Variants in CDON observed in about 807,000 individuals in gnomAD.
CDON encodes cell adhesion associated, oncogene regulated.
A neutral mutation model predicts 120.9 loss-of-function variants in CDON; 73 were observed. That is an observed-to-expected ratio of 0.60 (90% confidence interval 0.50 to 0.73). The LOEUF (loss-of-function observed/expected upper bound fraction) is 0.73. Ranked by LOEUF, CDON falls within the 30% of genes least tolerant of loss-of-function variation. The probability of loss-of-function intolerance (pLI) is 0.00; values close to 1 mark genes in which losing one functional copy is unlikely to be tolerated. For missense variants in CDON, 1,470 were observed against 1,587.3 expected (o/e 0.93, Z 1.26); for synonymous variants, 566 against 573.5 (o/e 0.99, Z 0.19).
chr11:125,969,283 C>G (rs1591547029), intron 18 of CDON, among the ~76,000 whole-genome samples: 1 of 152,182 alleles, frequency 6.6e-6, no homozygotes, highest in Admixed American at 6.5e-5. Flanking sequence ...CAGGCGTGAG[C>G]CACCACGCCT....
intron 1 of CDON, among the ~76,000 whole-genome samples, chr11:126,040,087 A>C (rs1193046987): frequency 6.6e-6 from 1 of 152,134 alleles, no homozygotes; most frequent in Non-Finnish European, 1.5e-5. Flanking sequence ...CACTATACTC[A>C]AATAAATAAA....
chr11:125,963,882 TC>T (rs1945718260), intron 18 of CDON, among the ~76,000 whole-genome samples: 1 of 152,216 alleles, frequency 6.6e-6, no homozygotes, highest in African/African-American at 2.4e-5. Context: ...TGAAGAAAGC[TC>T]TGGTGCAGAA....
chr11:125,989,622 CA>C lies in CDON; in HGVS notation c.2773+14del. 3.7e-6 allele frequency: 6 copies of C among 1,611,260 alleles called. No individual in the cohort carries two copies. The highest frequency in any genetic ancestry group is 5.1e-6 in the Non-Finnish European group (6 of 1,178,150). ...AATTCTATCACTGTCCAGGGAAAAG[CA>C]AAAATTCTCCTACCTTTAGTCTCGC... On this transcript the variant is annotated intron_variant, in intron 15 of 19. Coordinates refer to ENST00000531738, the MANE Select transcript of CDON (RefSeq NM_001378964.1).
intron 14 of CDON, among the ~76,000 whole-genome samples, chr11:125,990,878 A>G (rs1050326661): frequency 3.9e-5 from 6 of 152,174 alleles, no homozygotes; most frequent in African/African-American, 1.4e-4. Context: ...GAAAGGCTCA[A>G]AAGTGAGGAG....
intron 1 of CDON, among the ~76,000 whole-genome samples, chr11:126,027,289 C>A (rs1947815189): frequency 1.3e-5 from 2 of 152,116 alleles, no homozygotes; most frequent in Non-Finnish European, 2.9e-5. Flanking sequence ...AGTAACAGCA[C>A]CCCAGGCCCA....
intron 1 of CDON, among the ~76,000 whole-genome samples, chr11:126,031,421 C>T (rs1487783420): frequency 6.6e-6 from 1 of 152,178 alleles, no homozygotes; most frequent in African/African-American, 2.4e-5. Context: ...AAAGAAAACA[C>T]TCTAAAAAGT....
intron 2 of CDON, among the ~76,000 whole-genome samples, chr11:126,022,821 T>C (rs557243078): frequency 6.6e-6 from 1 of 152,360 alleles, no homozygotes; most frequent in East Asian, 1.9e-4. Context: ...TATCTACTTA[T>C]ATATTCATCT....
At chr11:125,994,850 T>A in intron 13 of CDON, 21 bp downstream of exon 13, 1 of 1,603,624 alleles carries the variant, frequency 6.2e-7, no homozygotes, top group Non-Finnish European at 8.5e-7. Flanking sequence ...CAAAATCTCA[T>A]TCCAGAAGAT....
chr11:125,978,039 T>G (rs2134427099), intron 18 of CDON, among the ~76,000 whole-genome samples: 1 of 152,272 alleles, frequency 6.6e-6, no homozygotes, highest in South Asian at 2.1e-4. Context: ...TTTAAAATTT[T>G]CAAAAACATT....
intron 6 of CDON, among the ~76,000 whole-genome samples, chr11:126,015,742 C>A (rs1459363134): frequency 3.9e-5 from 6 of 152,132 alleles, no homozygotes; most frequent in Non-Finnish European, 5.9e-5. Flanking sequence ...GATTACACCA[C>A]CCACTTAACT....
intron 11 of CDON, among the ~76,000 whole-genome samples, chr11:125,999,435 C>T (rs1006985015): frequency 2.0e-5 from 3 of 152,174 alleles, no homozygotes; most frequent in Non-Finnish European, 2.9e-5. Context: ...TCTGAGGCAT[C>T]GTGCATGGTT....
Position 126,017,009 on chromosome 11 carries a change from C to T in CDON, c.928+79G>A, listed in dbSNP as rs150075717. 6.7e-4 allele frequency: 814 copies of T among 1,214,518 alleles called. 5 individuals carry two copies. In the African/African-American group the frequency reaches 8.7e-3, roughly 13 times the overall value. 75.2% of individuals were successfully genotyped at this position (1,214,518 alleles called of 1,614,324 possible). A position where few individuals can be genotyped will look rare whatever the true frequency, so the allele number is the denominator to read the frequency against. On this transcript the variant is annotated intron_variant, in intron 6 of 19. Coordinates refer to ENST00000531738, the MANE Select transcript of CDON (RefSeq NM_001378964.1). ...CTAGATACTCCCTATTTCAATTTCA[C>T]AAATAGATCTTTCCTTCAGGTATCA...
chr11:125,973,456 G>A (rs4937080), intron 18 of CDON, among the ~76,000 whole-genome samples: 17,116 of 152,160 alleles, frequency 0.11, 1,152 homozygotes, highest in African/African-American at 0.17. Context: ...GCTTGAACCC[G>A]GGAGGTGGAG....
At chr11:126,041,548 C>A (rs550371712) in intron 1 of CDON, among the ~76,000 whole-genome samples, 4 of 152,162 alleles carry the variant, frequency 2.6e-5, no homozygotes, top group Non-Finnish European at 5.9e-5. Flanking sequence ...GTCAAAATCA[C>A]GTAATAGCAA....
At chr11:126,009,011 C>A (rs1041111881) in intron 8 of CDON, among the ~76,000 whole-genome samples, 1 of 152,212 alleles carries the variant, frequency 6.6e-6, no homozygotes, top group Non-Finnish European at 1.5e-5. Flanking sequence ...TGGATTCTCA[C>A]ATCAACCCTA....
At chr11:126,041,291 T>G (rs1298588215) in intron 1 of CDON, among the ~76,000 whole-genome samples, 4 of 152,170 alleles carry the variant, frequency 2.6e-5, no homozygotes, top group African/African-American at 7.2e-5. Context: ...GCACTATTAT[T>G]TTGTTCACAA....
intron 18 of CDON, among the ~76,000 whole-genome samples, chr11:125,966,137 C>CA (rs35651493): frequency 0.26 from 31,675 of 120,146 alleles, 3,668 homozygotes; most frequent in East Asian, 0.44. Context: ...AATTCCATCT[C>CA]AAAAAAAAAA....
chr11:125,971,320 T>C (rs1459344191), intron 18 of CDON, among the ~76,000 whole-genome samples: 1 of 151,650 alleles, frequency 6.6e-6, no homozygotes, highest in Non-Finnish European at 1.5e-5. Context: ...GAGGTGGAGC[T>C]TGCAGTGAGC....
intron 7 of CDON, among the ~76,000 whole-genome samples, chr11:126,014,048 G>C (rs1208227438): frequency 6.6e-6 from 1 of 151,890 alleles, no homozygotes; most frequent in East Asian, 1.9e-4. Flanking sequence ...AATTTTAAAT[G>C]TCCAAATACA....
Sources: allele counts gnomAD v4.1 joint callset (sites outside exome capture counted in the v4.1 genomes callset), GRCh38; gene constraint gnomAD v4.1.1; transcripts MANE v1.5; gene names NCBI Gene and HGNC (gene_info 2026-07-23, HGNC 2026-07-21).